The following LRRTM4 variants were observed in gnomAD, a reference collection of about 807,000 sequenced individuals.
The protein encoded by LRRTM4 is leucine-rich repeat transmembrane neuronal protein 4.
LRRTM4 carries 25 observed loss-of-function variants against 47.6 expected under a neutral mutation model. That is an observed-to-expected ratio of 0.53 (90% CI 0.38 to 0.73). The LOEUF is 0.73. Ranked by LOEUF, LRRTM4 falls within the 30% of genes least tolerant of loss-of-function variation. LRRTM4 has a pLI of 0.00. For missense variants in LRRTM4, 638 were observed against 713.4 expected, an observed-to-expected ratio of 0.89 and a Z score of 1.20; for synonymous variants, 311 against 269.5, an observed-to-expected ratio of 1.15 and a Z score of -1.51.
intron 3 of LRRTM4, among the ~76,000 whole-genome samples, chr2:77,171,566 G>A (rs921819613): frequency 6.6e-6 from 1 of 151,670 alleles, no homozygotes; most frequent in South Asian, 2.1e-4. Flanking sequence ...TGTGAGTCAC[G>A]GCGACTGGCC....
intron 3 of LRRTM4, among the ~76,000 whole-genome samples, chr2:77,243,159 T>C (rs1675317046): frequency 6.6e-6 from 1 of 152,116 alleles, no homozygotes; most frequent in Non-Finnish European, 1.5e-5. Context: ...ACGCCTGTAA[T>C]CCCAGCACTT....
intron 3 of LRRTM4, among the ~76,000 whole-genome samples, chr2:76,771,957 A>C (rs1170052357): frequency 6.6e-6 from 1 of 152,206 alleles, no homozygotes; most frequent in African/African-American, 2.4e-5. Flanking sequence ...ATAAACCAAA[A>C]TAGACATCAA....
chr2:77,068,687 C>G (rs1680043542), intron 3 of LRRTM4, among the ~76,000 whole-genome samples: 1 of 140,568 alleles, frequency 7.1e-6, no homozygotes, highest in Non-Finnish European at 1.5e-5. Context: ...TGTGGATACA[C>G]TACATTTTGA....
At chr2:76,893,541 G>GT (rs1171465333) in intron 3 of LRRTM4, among the ~76,000 whole-genome samples, 6 of 151,602 alleles carry the variant, frequency 4.0e-5, no homozygotes, top group Admixed American at 1.3e-4. Flanking sequence ...TACCTGAAAG[G>GT]TTTTTTCTAC....
At chr2:77,238,313 A>G (rs553468104) in intron 3 of LRRTM4, among the ~76,000 whole-genome samples, 2 of 152,258 alleles carry the variant, frequency 1.3e-5, no homozygotes, top group African/African-American at 4.8e-5. Flanking sequence ...AAGGGACTAT[A>G]TCAATATCAT....
At chr2:76,919,691 T>G (rs1674373952) in intron 3 of LRRTM4, among the ~76,000 whole-genome samples, 1 of 152,190 alleles carries the variant, frequency 6.6e-6, no homozygotes, top group African/African-American at 2.4e-5. Flanking sequence ...AATATATTAA[T>G]AAATTCTATT....
At chr2:76,914,080 A>G (rs1012263011) in intron 3 of LRRTM4, among the ~76,000 whole-genome samples, 29 of 151,892 alleles carry the variant, frequency 1.9e-4, no homozygotes, top group Admixed American at 9.2e-4. Context: ...TATTATTTAT[A>G]TAACTATCTT....
intron 3 of LRRTM4, among the ~76,000 whole-genome samples, chr2:77,262,505 A>ATT (rs1553418380): frequency 6.7e-5 from 10 of 148,640 alleles, no homozygotes; most frequent in African/African-American, 2.0e-4. Flanking sequence ...TTTTTACCTA[A>ATT]TTTTTTTTTT....
chr2:77,150,061 T>C (rs1184098597), intron 3 of LRRTM4, among the ~76,000 whole-genome samples: 1 of 152,180 alleles, frequency 6.6e-6, no homozygotes, highest in Non-Finnish European at 1.5e-5. Flanking sequence ...GTTATCTATT[T>C]AGTAAAGAAT....
chr2:77,219,700 C>A (rs551616375), intron 3 of LRRTM4, among the ~76,000 whole-genome samples: 1 of 152,124 alleles, frequency 6.6e-6, no homozygotes, highest in African/African-American at 2.4e-5. Context: ...TGAGGATTCC[C>A]GCCATTCTTT....
rs150874421 is a variant in LRRTM4, at chr2:77,272,745, G to A, written c.1551+245573C>T. Among the ~76,000 whole-genome samples the A allele has an allele frequency of 2.8e-3, 429 of 152,150 alleles. 1 individual carries two copies. The highest frequency in any genetic ancestry group is 1.0e-2 in the African/African-American group (414 of 41,486). Reference sequence around the variant, plus strand: ...ATTCTCACTCTATTTGATCCCATGAGAGCTGGTTATTAAAAAGATCCTGGC... The same window carrying A: ...ATTCTCACTCTATTTGATCCCATGAAAGCTGGTTATTAAAAAGATCCTGGC... On this transcript the variant is annotated intron_variant, in intron 3 of 3. Transcript: ENST00000409884.
rs1443361699 is a variant in LRRTM4, at chr2:77,518,430, G to C, written c.1439C>G (p.Pro480Arg). 1 of 1,613,230 alleles carries C rather than the reference G, an allele frequency of 6.2e-7. No homozygotes were observed. Among genetic ancestry groups the C allele is most frequent in the Non-Finnish European group, 8.5e-7 (1 of 1,179,548 alleles). The change falls in exon 3 of 4, where the codon CCT (proline) becomes CGT (arginine). Residue 480 changes from proline to arginine, a missense_variant. Pro to Arg is a moderately radical substitution (Grantham distance 103). Transcript: ENST00000409884. ...ARESERQMNS[P>R]LQEYYVDYKP... ...GTAGTCCACATAATACTCCTGTAAA[G>C]GGGAATTCATTTGTCTTTCAGACTC... is the stretch of plus-strand genomic sequence containing the variant.
intron 3 of LRRTM4, among the ~76,000 whole-genome samples, chr2:77,424,533 T>C (rs1675032637): frequency 6.6e-6 from 1 of 152,224 alleles, no homozygotes; most frequent in Non-Finnish European, 1.5e-5. Context: ...GTTTGATTTT[T>C]AACCAAAACC....
chr2:76,972,323 C>G (rs1305411182), intron 3 of LRRTM4, among the ~76,000 whole-genome samples: 1 of 151,682 alleles, frequency 6.6e-6, no homozygotes, highest in Non-Finnish European at 1.5e-5. Context: ...TTCATATATG[C>G]AAGCTCCTTA....
chr2:77,455,312 T>C (rs373088101), intron 3 of LRRTM4, among the ~76,000 whole-genome samples: 14 of 152,320 alleles, frequency 9.2e-5, no homozygotes, highest in African/African-American at 3.4e-4. Context: ...TTTATACTAA[T>C]TTGTAAGAGT....
chr2:77,203,391 T>C (rs1396669236), intron 3 of LRRTM4, among the ~76,000 whole-genome samples: 1 of 152,018 alleles, frequency 6.6e-6, no homozygotes, highest in Non-Finnish European at 1.5e-5. Flanking sequence ...CTGGGTCACA[T>C]GGTCACTTTC....
intron 3 of LRRTM4, among the ~76,000 whole-genome samples, chr2:77,446,381 G>A (rs1348587697): frequency 6.6e-6 from 1 of 151,736 alleles, no homozygotes; most frequent in Non-Finnish European, 1.5e-5. Flanking sequence ...ATCCTCTGGG[G>A]GTCAGGAGGC....
chr2:76,911,426 T>A (rs533539351), intron 3 of LRRTM4, among the ~76,000 whole-genome samples: 176 of 152,360 alleles, frequency 1.2e-3, no homozygotes, highest in African/African-American at 4.0e-3. Context: ...CCAAAACAAT[T>A]ACATCAATCT....
At chr2:77,022,655 G>A (rs1013658624) in intron 3 of LRRTM4, among the ~76,000 whole-genome samples, 1 of 152,164 alleles carries the variant, frequency 6.6e-6, no homozygotes, top group Non-Finnish European at 1.5e-5. Flanking sequence ...ATCCAGCAGG[G>A]CAATCAAATA....
Sources: gnomAD v4.1 joint callset for allele counts (sites outside exome capture counted in the v4.1 genomes callset) on GRCh38, gnomAD v4.1.1 for gene constraint, MANE v1.5 for transcripts, NCBI Gene and HGNC (gene_info 2026-07-23, HGNC 2026-07-21) for gene names.